Variants in DTNA observed in about 807,000 individuals in gnomAD.
DTNA encodes the protein dystrobrevin alpha.
A neutral mutation model predicts 100.7 loss-of-function variants in DTNA; 43 were observed. That is an observed-to-expected ratio of 0.43 (90% CI 0.33 to 0.55). DTNA has a LOEUF of 0.55. Among genes scored for constraint, DTNA ranks in the 20% least tolerant of loss-of-function variants. The pLI is 0.04. For synonymous variants in DTNA, 349 were observed against 347.9 expected (o/e 1.00, Z -0.04); for missense variants, 798 against 953.9 (o/e 0.84, Z 2.15).
intron 22 of DTNA, among the ~76,000 whole-genome samples, chr18:34,885,492 C>T (rs938839959): frequency 1.3e-5 from 2 of 152,166 alleles, no homozygotes; most frequent in African/African-American, 4.8e-5. Flanking sequence ...GAAGCTTAGG[C>T]GCCAGACTCT....
chr18:34,821,488 T>C, intron 9 of DTNA: 1 of 456,494 alleles, frequency 2.2e-6, no homozygotes, highest in Non-Finnish European at 4.4e-6. Flanking sequence ...GTGAGTTTCG[T>C]GGCAGAAGGT....
intron 1 of DTNA, among the ~76,000 whole-genome samples, chr18:34,634,019 C>T (rs766697440): frequency 5.9e-5 from 9 of 152,148 alleles, no homozygotes; most frequent in African/African-American, 9.7e-5. Context: ...AACAGATGTG[C>T]TTCCTCAAGC....
rs2094865352 is a variant in DTNA at position 34,794,043 on chromosome 18, T to C, written c.155T>C (p.Leu52Pro). ...AACTCTGCTTTAATTGTAGTGCACCTGGTGGACATATGGAATGTCATAGAA... is the reference window on the plus strand; with the variant it reads ...AACTCTGCTTTAATTGTAGTGCACCCGGTGGACATATGGAATGTCATAGAA... ...RFVQKKCNLHLVDIWNVIEAL... is the reference protein window; with the variant it reads ...RFVQKKCNLHPVDIWNVIEAL... Residue 52 changes from leucine (L) to proline (P), a missense_variant, in exon 4 of 23, where the codon CTG becomes CCG. Physicochemically the swap from Leu to Pro is moderately conservative, Grantham distance 98. This residue lies in a region of DTNA where 197 missense variants were observed against 215.4 expected (regional missense o/e 0.91). Coordinates refer to ENST00000444659, the MANE Select transcript of DTNA (RefSeq NM_001386795.1). 2 of 1,613,956 alleles carry C rather than the reference T, an allele frequency of 1.2e-6. No individual in the cohort carries two copies. Among genetic ancestry groups the C allele is most frequent in the African/African-American group, 2.7e-5 (2 of 75,066 alleles).
intron 1 of DTNA, among the ~76,000 whole-genome samples, chr18:34,691,222 T>G (rs1396306492): frequency 1.3e-5 from 2 of 152,232 alleles, no homozygotes; most frequent in African/African-American, 4.8e-5. Context: ...CTTTTCTGTA[T>G]TCTTCCTCTC....
intron 11 of DTNA, among the ~76,000 whole-genome samples, chr18:34,835,908 A>T (rs567041007): frequency 6.6e-6 from 1 of 152,370 alleles, no homozygotes; most frequent in South Asian, 2.1e-4. Context: ...ACAATTTCTG[A>T]GATTCAAAGA....
At chr18:34,579,167 A>G (rs1373818294) in intron 1 of DTNA, among the ~76,000 whole-genome samples, 1 of 152,160 alleles carries the variant, frequency 6.6e-6, no homozygotes, top group Admixed American at 6.5e-5. Context: ...TTTAAAAAGT[A>G]TAATTCTATT....
At chr18:34,775,881 A>T (rs1246164538) in intron 3 of DTNA, among the ~76,000 whole-genome samples, 1 of 152,250 alleles carries the variant, frequency 6.6e-6, no homozygotes, top group Non-Finnish European at 1.5e-5. Flanking sequence ...TTTTAAGATT[A>T]TGAGTTTGTG....
intron 1 of DTNA, among the ~76,000 whole-genome samples, chr18:34,547,511 C>G (rs1175315201): frequency 1.3e-5 from 2 of 152,096 alleles, no homozygotes; most frequent in Non-Finnish European, 2.9e-5. Context: ...TGTGCTCTGA[C>G]CTGTGTGCAT....
At chr18:34,688,002 T>C (rs1343467888) in intron 1 of DTNA, among the ~76,000 whole-genome samples, 1 of 152,200 alleles carries the variant, frequency 6.6e-6, no homozygotes, top group Non-Finnish European at 1.5e-5. Flanking sequence ...TGATAAGTCT[T>C]CCTCCATCCC....
intron 1 of DTNA, among the ~76,000 whole-genome samples, chr18:34,574,674 G>A (rs2047939557): frequency 6.6e-6 from 1 of 152,124 alleles, no homozygotes; most frequent in South Asian, 2.1e-4. Context: ...TGTCTTCCAG[G>A]CTGGAATGCA....
chr18:34,589,220 A>G (rs1416915335), intron 1 of DTNA, among the ~76,000 whole-genome samples: 1 of 152,078 alleles, frequency 6.6e-6, no homozygotes, highest in Non-Finnish European at 1.5e-5. Flanking sequence ...TAAGGTATAC[A>G]TGATGTTTTG....
chr18:34,518,531 T>C (rs1055796348), intron 1 of DTNA, among the ~76,000 whole-genome samples: 7 of 152,110 alleles, frequency 4.6e-5, no homozygotes, highest in African/African-American at 7.2e-5. Context: ...TTTTCTTTTT[T>C]TTTCCTAAAA....
chr18:34,622,320 C>T (rs552144075), intron 1 of DTNA, among the ~76,000 whole-genome samples: 10 of 152,284 alleles, frequency 6.6e-5, no homozygotes, highest in East Asian at 3.9e-4. Flanking sequence ...GCCCCCTATA[C>T]GTATAACTCC....
intron 1 of DTNA, among the ~76,000 whole-genome samples, chr18:34,519,053 GAGAAGGA>G (rs1251552129): frequency 1.3e-5 from 2 of 152,022 alleles, no homozygotes; most frequent in Non-Finnish European, 2.9e-5. Context: ...ATGGTTTAGT[GAGAAGGA>G]AGAGTCAAAG....
intron 1 of DTNA, among the ~76,000 whole-genome samples, chr18:34,643,479 A>G (rs1460103921): frequency 2.6e-5 from 4 of 152,236 alleles, no homozygotes; most frequent in African/African-American, 9.6e-5. Flanking sequence ...GCAATGTGTT[A>G]ATTAGCCTGT....
At chr18:34,858,695 T>C (rs189728119) in intron 16 of DTNA, among the ~76,000 whole-genome samples, 1 of 152,362 alleles carries the variant, frequency 6.6e-6, no homozygotes, top group Admixed American at 6.5e-5. Context: ...CACTGCAACC[T>C]CTGCCTTCCA....
chr18:34,745,381 C>T (rs553955820), intron 1 of DTNA, among the ~76,000 whole-genome samples: 2 of 152,034 alleles, frequency 1.3e-5, no homozygotes, highest in Non-Finnish European at 2.9e-5. Context: ...CATTAGCAGC[C>T]CCAGTAATTT....
intron 1 of DTNA, among the ~76,000 whole-genome samples, chr18:34,603,518 C>T (rs1258564047): frequency 1.3e-5 from 2 of 150,798 alleles, no homozygotes; most frequent in East Asian, 1.9e-4. Context: ...TTTTTTTCAC[C>T]TTTTTCGGTT....
intron 1 of DTNA, among the ~76,000 whole-genome samples, chr18:34,611,389 T>G (rs560509865): frequency 6.6e-6 from 1 of 152,354 alleles, no homozygotes; most frequent in Admixed American, 6.5e-5. Context: ...AATCCTGGTC[T>G]CAGAAGTTTC....
Sources: allele counts gnomAD v4.1 joint callset (sites outside exome capture counted in the v4.1 genomes callset), GRCh38; gene constraint gnomAD v4.1.1; regional missense constraint gnomAD v4.1.1; transcripts MANE v1.5; gene names NCBI Gene and HGNC (gene_info 2026-07-23, HGNC 2026-07-21).